Variants in USP26 observed in about 807,000 individuals in gnomAD.
The protein encoded by USP26 is ubiquitin carboxyl-terminal hydrolase 26.
For missense variants in USP26, 649 were observed against 642.3 expected, an observed-to-expected ratio of 1.01 and a Z score of -0.11; for synonymous variants, 236 against 240.6, an observed-to-expected ratio of 0.98 and a Z score of 0.18.
chrX:133,089,440 A>C (rs1374852486), intron 4 of USP26, among the ~76,000 whole-genome samples: 1 of 111,649 alleles, frequency 9.0e-6, no homozygotes, highest in Admixed American at 9.5e-5. Flanking sequence ...TGGATGCTGA[A>C]CTATGATGCT....
chrX:133,026,060 A>G lies in USP26; in HGVS notation c.2161T>C (p.Tyr721His). Reference sequence around the variant, plus strand: ...GGAATTCTGATATTTTTATCTTCATACAAATCTTTAGTAGGATTGATAATC... The same window carrying G: ...GGAATTCTGATATTTTTATCTTCATGCAAATCTTTAGTAGGATTGATAATC... The part of the protein sequence containing the change: ...DRIINPTKDL[Y>H]EDKNIRIPER... The change falls in exon 6 of 6, where the codon TAT becomes CAT. Residue 721 changes from tyrosine (Y) to histidine (H), a missense_variant. Physicochemically the swap from Tyr to His is moderately conservative, Grantham distance 83. Coordinates refer to ENST00000511190, the MANE Select transcript of USP26 (RefSeq NM_031907.3). 3.3e-6 allele frequency: 4 copies of G among 1,210,341 alleles called. No individual in the cohort carries two copies. The highest frequency in any genetic ancestry group is 4.5e-6 in the Non-Finnish European group (4 of 894,723).
chrX:133,080,689 G>A (rs1406954992), intron 5 of USP26, among the ~76,000 whole-genome samples: 2 of 111,486 alleles, frequency 1.8e-5, no homozygotes, highest in African/African-American at 3.3e-5. Context: ...AATTCACAGC[G>A]AAAATGGAAA....
chrX:133,055,682 T>C (rs2067472693), intron 5 of USP26, among the ~76,000 whole-genome samples: 1 of 111,936 alleles, frequency 8.9e-6, no homozygotes, highest in African/African-American at 3.2e-5. Flanking sequence ...GAAACGTATG[T>C]TCACACAGTT....
chrX:133,029,036 G>A (rs2067366585), intron 5 of USP26, among the ~76,000 whole-genome samples: 1 of 112,694 alleles, frequency 8.9e-6, no homozygotes, highest in Non-Finnish European at 1.9e-5. Context: ...CTTAACCGGA[G>A]CTAGCTCCCT....
chrX:133,095,093 CAAAAAAAAA>C (rs35394795), intron 1 of USP26, among the ~76,000 whole-genome samples: 3 of 51,250 alleles, frequency 5.9e-5, no homozygotes, highest in African/African-American at 2.1e-4. Context: ...AGACTCTTGT[CAAAAAAAAA>C]AAAAAAAAAG....
intron 5 of USP26, among the ~76,000 whole-genome samples, chrX:133,035,199 A>G (rs2067391992): frequency 8.9e-6 from 1 of 112,281 alleles, no homozygotes; most frequent in South Asian, 3.7e-4. Context: ...AGTGAAAGCA[A>G]GTTCTACTCC....
chrX:133,040,759 T>A (rs191824088), intron 5 of USP26, among the ~76,000 whole-genome samples: 1 of 111,761 alleles, frequency 8.9e-6, no homozygotes, highest in Admixed American at 9.6e-5. Context: ...TTGGGGAAGT[T>A]GTCCACAATA....
At position 133,027,895 on chromosome X, in the gene USP26, G is replaced by A; in HGVS notation, c.326C>T (p.Pro109Leu). 1 of 1,210,300 alleles carries A rather than the reference G, an allele frequency of 8.3e-7. No homozygotes were observed. Among genetic ancestry groups the A allele is most frequent in the Middle Eastern group, 2.3e-4 (1 of 4,342 alleles). The change falls in exon 6 of 6, where the codon CCT (proline) becomes CTT (leucine). Residue 109 changes from proline to leucine, a missense_variant. Transcript: ENST00000511190. ...DRVHQNEVQP[P>L]VRPGKGGSVF... Reference sequence around the variant, plus strand: ...ACTCCCACCCTTACCAGGTCTCACAGGTGGCTGAACCTCGTTTTGATGAAC... The same window carrying A: ...ACTCCCACCCTTACCAGGTCTCACAAGTGGCTGAACCTCGTTTTGATGAAC...
intron 5 of USP26, among the ~76,000 whole-genome samples, chrX:133,073,588 G>A (rs932486949): frequency 2.5e-4 from 28 of 110,644 alleles, no homozygotes; most frequent in African/African-American, 8.6e-4. Context: ...TATATGCTTA[G>A]AAGCTGCTGG....
chrX:133,066,561 A>G (rs915359664), intron 5 of USP26, among the ~76,000 whole-genome samples: 1 of 111,632 alleles, frequency 9.0e-6, no homozygotes, highest in Non-Finnish European at 1.9e-5. Context: ...GGCCTCAGAA[A>G]TAACTCCACA....
chrX:133,060,630 T>A (rs1188483511), intron 5 of USP26, among the ~76,000 whole-genome samples: 3 of 111,636 alleles, frequency 2.7e-5, no homozygotes, highest in Non-Finnish European at 3.8e-5. Context: ...GAGAAAAAAA[T>A]TAATATTTTT....
At position 133,027,058 on chromosome X, in the gene USP26, G is replaced by A; in HGVS notation, c.1163C>T (p.Ala388Val). ...ATCTTTCAGTTGATCTAAACAGTGA[G>A]CTAAAAACTCATGAGCATCGTTCTG... ...NAQNDAHEFL[A>V]HCLDQLKDNM... Residue 388 changes from alanine to valine, a missense_variant, in exon 6 of 6, where the codon GCT becomes GTT. Physicochemically the swap from Ala to Val is moderately conservative, Grantham distance 64. Coordinates refer to ENST00000511190, the MANE Select transcript of USP26 (RefSeq NM_031907.3). 8.3e-7 allele frequency: 1 copy of A among 1,211,451 alleles called. No individual in the cohort carries two copies. Among genetic ancestry groups the A allele is most frequent in the Non-Finnish European group, 1.1e-6 (1 of 895,298 alleles).
rs1452951658 is a variant in USP26, at chrX:133,024,330, T to C, written c.*1149A>G. 9.1e-6 allele frequency among the ~76,000 whole-genome samples: 1 copy of C among 109,499 alleles called. No individual in the cohort carries two copies. Among genetic ancestry groups the C allele is most frequent in the Non-Finnish European group, 1.9e-5 (1 of 52,740 alleles). On this transcript the variant is annotated 3_prime_UTR_variant, in exon 6 of 6. Transcript: ENST00000511190. ...GTCATGTAATGTTGAATGCAGAGGA[T>C]TGTTCAAGGTTTCGCAGATGAAGTC...
chrX:133,092,704 G>T (rs1602993589), intron 1 of USP26, among the ~76,000 whole-genome samples: 1 of 111,601 alleles, frequency 9.0e-6, no homozygotes, highest in East Asian at 2.8e-4. Context: ...AAATTCTAGG[G>T]TTAAATTATT....
Position 133,052,487 on chromosome X carries a change from T to C in USP26, c.-76-24191A>G, listed in dbSNP as rs1027937642. On this transcript the variant is annotated intron_variant, in intron 5 of 5. Transcript: ENST00000511190. ...AAAAAAAGTAAAATTGGATTTTTAT[T>C]CCTATTAAAGTCTATTCACATAACT... Among the ~76,000 whole-genome samples, 3 of 112,733 alleles carry C rather than the reference T, an allele frequency of 2.7e-5. No homozygotes were observed. The Middle Eastern group carries it at 0.014, about 517-fold the overall frequency.
intron 5 of USP26, among the ~76,000 whole-genome samples, chrX:133,056,143 T>C (rs888063882): frequency 9.9e-5 from 11 of 111,653 alleles, no homozygotes; most frequent in African/African-American, 3.6e-4. Context: ...ACACTGCCCA[T>C]GTAGAACATA....
chrX:133,084,149 T>C (rs7063594), intron 4 of USP26, among the ~76,000 whole-genome samples: 3,398 of 112,149 alleles, frequency 0.03, 76 homozygotes, highest in East Asian at 0.1. Flanking sequence ...AGTACAGCAC[T>C]CTCATCAGCT....
chrX:133,026,348 G>T lies in USP26; in HGVS notation c.1873C>A (p.Gln625Lys). 8.3e-7 allele frequency: 1 copy of T among 1,204,523 alleles called. No homozygotes were observed. The highest frequency in any genetic ancestry group is 1.1e-6 in the Non-Finnish European group (1 of 893,883). The change falls in exon 6 of 6, where the codon CAG becomes AAG. Residue 625 changes from glutamine to lysine, a missense_variant. Gln to Lys is a moderately conservative substitution (Grantham distance 53). Coordinates refer to ENST00000511190, the MANE Select transcript of USP26 (RefSeq NM_031907.3). Reference sequence around the variant, plus strand: ...GAATTTTTTCCAAGGTACTTTTGCTGCTGTCTTCTGCTTGCCCCTTTAAAG... The same window carrying T: ...GAATTTTTTCCAAGGTACTTTTGCTTCTGTCTTCTGCTTGCCCCTTTAAAG... ...TVFKGASRRQ[Q>K]QKYLGKNSKP...
At position 133,025,572 on chromosome X, in the gene USP26, G is replaced by A. The variant is rs1203424473; in HGVS notation, c.2649C>T (p.Tyr883=). The change falls in exon 6 of 6, where the codon TAC becomes TAT. Residue 883 remains tyrosine, a synonymous_variant. Transcript: ENST00000511190. The stretch of plus-strand genomic sequence containing the variant: ...TCTCTTCAAAGATCTCATTATGCAT[G>A]TAAAAGAAGATGTACCCAGTGCAAC... ...DRRCTGYIFF[Y]MHNEIFEEML... 8.3e-7 allele frequency: 1 copy of A among 1,211,245 alleles called. No homozygotes were observed. Among genetic ancestry groups the A allele is most frequent in the Non-Finnish European group, 1.1e-6 (1 of 895,416 alleles).
Sources: gnomAD v4.1 joint callset for allele counts (sites outside exome capture counted in the v4.1 genomes callset) on GRCh38, gnomAD v4.1.1 for gene constraint, MANE v1.5 for transcripts, NCBI Gene and HGNC (gene_info 2026-07-23, HGNC 2026-07-21) for gene names.